Variants in PAX9 observed in about 807,000 individuals in gnomAD.
PAX9 encodes the protein paired box 9, also known as paired box protein Pax-9.
In PAX9, 6 loss-of-function variants were observed where a neutral mutation model predicts 29.1. The observed-to-expected ratio is 0.21, with a 90% confidence interval of 0.11 to 0.41. PAX9 has a LOEUF of 0.41. PAX9 is among the 10% of genes least tolerant of loss of function. PAX9 has a pLI of 1.00. For missense variants in PAX9, 443 were observed against 479.1 expected (o/e 0.92, Z 0.70); for synonymous variants, 217 against 211.7 (o/e 1.03, Z -0.22).
rs1041320826 is a variant in PAX9 at position 36,676,402 on chromosome 14, A to T, written c.976A>T (p.Met326Leu). ...TCCGGCATCGCTGGCGTTCAAGGGA[A>T]TGCAGGCAGCCAGAGAAGGTAGTCA... ...DIPASLAFKG[M>L]QAAREGSHSV... Residue 326 changes from methionine (M) to leucine (L), a missense_variant, in exon 4 of 4, where the codon ATG becomes TTG. Transcript: ENST00000361487. 1 of 1,614,112 alleles carries T rather than the reference A, an allele frequency of 6.2e-7. No homozygotes were observed. Among genetic ancestry groups the T allele is most frequent in the African/African-American group, 1.3e-5 (1 of 75,034 alleles).
chr14:36,665,183 A>G (rs1419833074), intron 2 of PAX9, among the ~76,000 whole-genome samples: 4 of 151,684 alleles, frequency 2.6e-5, no homozygotes, highest in Non-Finnish European at 5.9e-5. Context: ...AAAAAAAAAA[A>G]AAAAAGGCTG....
At chr14:36,661,140 G>T (rs961684185), upstream of PAX9, among the ~76,000 whole-genome samples, 1 of 152,250 alleles carries the variant, frequency 6.6e-6, no homozygotes, top group African/African-American at 2.4e-5. Context: ...GGGGCTGTGC[G>T]CTAGCGTTAG....
intron 1 of PAX9, 30 bp from the exon 2 acceptor site, chr14:36,662,867 G>A (rs560563987): frequency 2.5e-6 from 4 of 1,593,638 alleles, no homozygotes; most frequent in Admixed American, 1.7e-5. Flanking sequence ...GCGGGTGCGC[G>A]TCCCTGCGCG....
chr14:36,674,704 T>C (rs1881818972), intron 3 of PAX9, among the ~76,000 whole-genome samples: 1 of 152,202 alleles, frequency 6.6e-6, no homozygotes, highest in Non-Finnish European at 1.5e-5. Context: ...TCTTGGTGCC[T>C]GGGACATAGG....
In PAX9 at chr14:36,663,560, G is replaced by C. The variant is rs761771092; in HGVS notation, c.631+37G>C. The C allele has an allele frequency of 5.6e-6, 9 of 1,611,214 alleles. 1 individual carries two copies. The highest frequency in any genetic ancestry group is 4.4e-5 in the South Asian group (4 of 90,864). On this transcript the variant is annotated intron_variant, in intron 2 of 3. Transcript: ENST00000361487. ...GAGGCTGGGCGTGTGGATGTGCAGC[G>C]TCTGCCCCCGCACTCTCGCGGAGGT...
chr14:36,675,986 A>G (rs1228318999), intron 3 of PAX9, among the ~76,000 whole-genome samples: 3 of 152,244 alleles, frequency 2.0e-5, no homozygotes, highest in African/African-American at 7.2e-5. Context: ...ATGTTTGTGG[A>G]AAGAATAATA....
upstream of PAX9, among the ~76,000 whole-genome samples, chr14:36,661,527 A>G (rs981108790): frequency 6.6e-6 from 1 of 152,106 alleles, no homozygotes; most frequent in Admixed American, 6.5e-5. Context: ...CAATTCTGAG[A>G]TGTCCATCGT....
At chr14:36,665,758 C>T (rs760335866) in intron 2 of PAX9, among the ~76,000 whole-genome samples, 28 of 152,274 alleles carry the variant, frequency 1.8e-4, no homozygotes, top group South Asian at 8.3e-4. Context: ...ACACCCATGG[C>T]ATGTATAGTG....
In PAX9 at chr14:36,669,324, T is replaced by C. The variant is rs370438320; in HGVS notation, c.771+2723T>C. 1.2e-4 allele frequency among the ~76,000 whole-genome samples: 19 copies of C among 152,312 alleles called. No individual in the cohort carries two copies. The South Asian group carries it at 3.9e-3, about 32-fold the overall frequency. ...CAATATTCAAAGGGCAGATTTATTT[T>C]TAAAAGTTATTTTTCAAAATGGAAT... is the stretch of plus-strand genomic sequence containing the variant. On this transcript the variant is annotated intron_variant, in intron 3 of 3. Coordinates refer to ENST00000361487, the MANE Select transcript of PAX9 (RefSeq NM_001372076.1).
intron 2 of PAX9, among the ~76,000 whole-genome samples, chr14:36,665,356 T>C (rs1441933261): frequency 6.6e-6 from 1 of 152,146 alleles, no homozygotes; most frequent in Non-Finnish European, 1.5e-5. Context: ...ACATTTGTGA[T>C]TATAAAAATG....
intron 2 of PAX9, among the ~76,000 whole-genome samples, chr14:36,664,942 C>G (rs1377185001): frequency 6.6e-6 from 1 of 152,112 alleles, no homozygotes; most frequent in East Asian, 1.9e-4. Context: ...ACTGACCTCA[C>G]TGACATTTAA....
chr14:36,661,781 C>A, upstream of PAX9: 1 of 505,254 alleles, frequency 2.0e-6, no homozygotes, highest in Non-Finnish European at 3.5e-6. Context: ...GCACCAATCA[C>A]CATGCAGCTT....
chr14:36,677,376 G>C lies in PAX9; in HGVS notation c.*924G>C, dbSNP rs1214799616. On this transcript the variant is annotated 3_prime_UTR_variant, in exon 4 of 4. Coordinates refer to ENST00000361487, the MANE Select transcript of PAX9 (RefSeq NM_001372076.1). ...CACGAAAAACAGATAAAACAAGCCA[G>C]TCTCCCATTTTGTACCTAATCAAAC... 3 of 152,164 alleles carry C rather than the reference G, an allele frequency of 2.0e-5. No individual in the cohort carries two copies. The highest frequency in any genetic ancestry group is 6.5e-5 in the Admixed American group (1 of 15,270). The allele number at this position is 152,164 out of a possible 1,614,324, so 9.4% of individuals were successfully genotyped here. A position where few individuals can be genotyped will look rare whatever the true frequency, so the allele number is the denominator to read the frequency against.
chr14:36,663,581 G>A (rs756871117), intron 2 of PAX9, 58 bp downstream of exon 2: 7 of 1,603,268 alleles, frequency 4.4e-6, no homozygotes, highest in Non-Finnish European at 5.1e-6. Context: ...CACTCTCGCG[G>A]AGGTCCCAGT....
At position 36,676,677 on chromosome 14, in the gene PAX9, C is replaced by G. The variant is rs760143460; in HGVS notation, c.*225C>G. 2.5e-5 allele frequency: 15 copies of G among 588,934 alleles called. No individual in the cohort carries two copies. The highest frequency in any genetic ancestry group is 4.6e-5 in the Non-Finnish European group (15 of 329,126). The allele number at this position is 588,934 out of a possible 1,614,324, so 36.5% of individuals were successfully genotyped here. On this transcript the variant is annotated 3_prime_UTR_variant, in exon 4 of 4. Transcript: ENST00000361487. ...TGACTTTAGGATTTAAAAACAAGAG[C>G]AACAATAAGCATTGAATGAGACATT...
chr14:36,666,498 A>C lies in PAX9; in HGVS notation c.668A>C (p.Glu223Ala), dbSNP rs1881495411. 1 of 1,610,146 alleles carries C rather than the reference A, an allele frequency of 6.2e-7. No homozygotes were observed. Among genetic ancestry groups the C allele is most frequent in the East Asian group, 2.2e-5 (1 of 44,660 alleles). Residue 223 changes from glutamate (E) to alanine (A), a missense_variant, in exon 3 of 4, where the codon GAG (glutamate) becomes GCG (alanine). By Grantham distance (107) the Glu-to-Ala change is moderately radical. Coordinates refer to ENST00000361487, the MANE Select transcript of PAX9 (RefSeq NM_001372076.1). ...TCCCCCTACCACAGCCCCAAGGTGG[A>C]GGAGTGGAGCAGCCTGGGCCGCAAC... ...DSSPYHSPKV[E>A]EWSSLGRNNF... is the part of the protein sequence containing the mutation.
intron 3 of PAX9, among the ~76,000 whole-genome samples, chr14:36,670,009 A>T (rs1881646787): frequency 6.6e-6 from 1 of 152,074 alleles, no homozygotes; most frequent in African/African-American, 2.4e-5. Context: ...CAATGGAATA[A>T]AATTGAGTGG....
chr14:36,667,741 G>T (rs540390334), intron 3 of PAX9, among the ~76,000 whole-genome samples: 3 of 152,098 alleles, frequency 2.0e-5, no homozygotes, highest in Non-Finnish European at 4.4e-5. Context: ...CTCTCCAATG[G>T]CAAATAACAC....
At chr14:36,660,774 C>T (rs1291787968), upstream of PAX9, among the ~76,000 whole-genome samples, 1 of 152,238 alleles carries the variant, frequency 6.6e-6, no homozygotes, top group Non-Finnish European at 1.5e-5. Context: ...TTTTGATTCA[C>T]ATTCTCCACA....
Sources: allele counts gnomAD v4.1 joint callset (sites outside exome capture counted in the v4.1 genomes callset), GRCh38; gene constraint gnomAD v4.1.1; transcripts MANE v1.5; gene names NCBI Gene and HGNC (gene_info 2026-07-23, HGNC 2026-07-21).